The following MPRIP variants were observed in gnomAD, a reference collection of about 807,000 sequenced individuals.
MPRIP encodes myosin phosphatase Rho interacting protein.
A neutral mutation model predicts 234.9 loss-of-function variants in MPRIP; 59 were observed. That is an observed-to-expected ratio of 0.25 (90% CI 0.20 to 0.31). The LOEUF (loss-of-function observed/expected upper bound fraction) is 0.31, where lower values mean the gene tolerates loss of function less well. Ranked by LOEUF, MPRIP falls within the 10% of genes least tolerant of loss-of-function variation. The pLI, the probability that MPRIP is intolerant of heterozygous loss-of-function variation, is 1.00. For missense variants in MPRIP, 2,436 were observed against 3,071.0 expected, an observed-to-expected ratio of 0.79 and a Z score of 4.89; for synonymous variants, 1,144 against 1,263.9, an observed-to-expected ratio of 0.91 and a Z score of 2.01.
At position 17,167,372 on chromosome 17, in the gene MPRIP, G is replaced by A. The variant is rs1160348561; in HGVS notation, c.5781G>A (p.Gln1927=). 7.7e-7 allele frequency: 1 copy of A among 1,304,132 alleles called. No homozygotes were observed. Among genetic ancestry groups the A allele is most frequent in the African/African-American group, 1.5e-5 (1 of 65,864 alleles). The allele number at this position is 1,304,132 out of a possible 1,614,324, so 80.8% of individuals were successfully genotyped here. Reference sequence around the variant, plus strand: ...AGGCCGCCCAGCTAGACCATCAGCAGCAGTGTCTGGAGGATGCAGAGAGCA... The same window carrying A: ...AGGCCGCCCAGCTAGACCATCAGCAACAGTGTCTGGAGGATGCAGAGAGCA... The part of the protein sequence containing the change: ...KAKAAQLDHQ[Q]QCLEDAESKH... The change falls in exon 16 of 24, where the codon CAG becomes CAA. Residue 1927 remains glutamine (Q), a synonymous_variant. Transcript: ENST00000651222. The surrounding 1 kb of genome is among the most constrained non-coding windows in gnomAD (Gnocchi z 5.9).
chr17:17,099,411 T>G (rs775581712), intron 3 of MPRIP, among the ~76,000 whole-genome samples: 7 of 152,210 alleles, frequency 4.6e-5, no homozygotes, highest in Non-Finnish European at 8.8e-5. Context: ...AACTTTGAAT[T>G]TTCCTACTAA....
intron 10 of MPRIP, among the ~76,000 whole-genome samples, chr17:17,146,313 G>A (rs1024224899): frequency 6.6e-6 from 1 of 152,234 alleles, no homozygotes; most frequent in Non-Finnish European, 1.5e-5. Context: ...AGGGGCACTC[G>A]GTAGGCCTGT....
In MPRIP at chr17:17,161,264, T is replaced by C; in HGVS notation, c.2425T>C (p.Ser809Pro). 2.5e-6 allele frequency: 4 copies of C among 1,603,068 alleles called. No homozygotes were observed. Among genetic ancestry groups the C allele is most frequent in the Non-Finnish European group, 3.4e-6 (4 of 1,172,852 alleles). ...GCTGGAGCAGAGCCAGAAGGAGGCC[T>C]CAGACCTTCTGGAGCAGAACCGGCT... is the stretch of plus-strand genomic sequence containing the variant. Reference protein sequence around the residue: ...KELEQSQKEASDLLEQNRLLQ... With the variant: ...KELEQSQKEAPDLLEQNRLLQ... Residue 809 changes from serine to proline, a missense_variant, in exon 15 of 24, where the codon TCA becomes CCA. By Grantham distance (74) the Ser-to-Pro change is moderately conservative. Transcript: ENST00000651222.
At chr17:17,140,581 C>T (rs2090791647) in intron 7 of MPRIP, among the ~76,000 whole-genome samples, 1 of 152,222 alleles carries the variant, frequency 6.6e-6, no homozygotes, top group Non-Finnish European at 1.5e-5. Flanking sequence ...CTTGGCCACA[C>T]CTACCTGAAA....
Position 17,057,769 on chromosome 17 carries a change from A to G in MPRIP, c.123+14798A>G. On this transcript the variant is annotated intron_variant, in intron 1 of 23. Transcript: ENST00000651222. Reference sequence around the variant, plus strand: ...TGACCCCCACCCGCTGCCCCATCCTACACCCGAGGTGGCCCCTGAAGCATG... The same window carrying G: ...TGACCCCCACCCGCTGCCCCATCCTGCACCCGAGGTGGCCCCTGAAGCATG... 5 of 710,598 alleles carry G rather than the reference A, an allele frequency of 7.0e-6. 1 individual carries two copies. Among genetic ancestry groups the G allele is most frequent in the Admixed American group, 4.0e-5 (2 of 49,898 alleles). 44.0% of individuals were successfully genotyped at this position (710,598 alleles called of 1,614,324 possible). A position where few individuals can be genotyped will look rare whatever the true frequency, so the allele number is the denominator to read the frequency against.
At chr17:17,113,056 C>G (rs915715463) in intron 3 of MPRIP, among the ~76,000 whole-genome samples, 2 of 152,160 alleles carry the variant, frequency 1.3e-5, no homozygotes, top group Non-Finnish European at 2.9e-5. Flanking sequence ...TGGGGACTCC[C>G]CAGGGTTGGG....
At chr17:17,065,887 T>G (rs889744925) in intron 1 of MPRIP, among the ~76,000 whole-genome samples, 2 of 152,220 alleles carry the variant, frequency 1.3e-5, no homozygotes, top group Non-Finnish European at 2.9e-5. Context: ...TATATACACC[T>G]AAGTATTTCT....
At chr17:17,075,818 G>A in intron 2 of MPRIP, 31 bp downstream of exon 2, 1 of 1,606,166 alleles carries the variant, frequency 6.2e-7, no homozygotes, top group South Asian at 1.1e-5. Context: ...TCTCAGGGAG[G>A]AACCAGAGAA....
At chr17:17,107,154 G>A (rs1037270991) in intron 3 of MPRIP, among the ~76,000 whole-genome samples, 10 of 152,212 alleles carry the variant, frequency 6.6e-5, no homozygotes, top group African/African-American at 2.4e-4. Flanking sequence ...GATTTAATGG[G>A]CTCTAGCCCC....
At chr17:17,178,162 A>T (rs1262706220) in intron 22 of MPRIP, among the ~76,000 whole-genome samples, 1 of 152,104 alleles carries the variant, frequency 6.6e-6, no homozygotes, top group Non-Finnish European at 1.5e-5. Context: ...GGCTCAAGCG[A>T]TCCAGCCACC....
chr17:17,073,162 G>T (rs941730429), intron 1 of MPRIP, among the ~76,000 whole-genome samples: 1 of 152,088 alleles, frequency 6.6e-6, no homozygotes, highest in Non-Finnish European at 1.5e-5. Context: ...TTTGATGAAC[G>T]CTGGGTGGGG....
At chr17:17,084,480 A>G (rs2089539864) in intron 3 of MPRIP, among the ~76,000 whole-genome samples, 1 of 152,198 alleles carries the variant, frequency 6.6e-6, no homozygotes, top group South Asian at 2.1e-4. Flanking sequence ...TACCATGTCC[A>G]TTTCACAGTT....
intron 2 of MPRIP, among the ~76,000 whole-genome samples, chr17:17,076,563 G>GA (rs1456901375): frequency 6.6e-6 from 1 of 152,142 alleles, no homozygotes; most frequent in African/African-American, 2.4e-5. Flanking sequence ...ATTGCTTCTA[G>GA]AATGGGTTTT....
At chr17:17,081,361 C>T (rs1039626222) in intron 3 of MPRIP, among the ~76,000 whole-genome samples, 1 of 152,206 alleles carries the variant, frequency 6.6e-6, no homozygotes, top group Non-Finnish European at 1.5e-5. Context: ...GAACTACCAA[C>T]TTTGTAAATG....
In MPRIP at chr17:17,078,046, C is replaced by T. The variant is rs749508599; in HGVS notation, c.237C>T (p.His79=). The T allele has an allele frequency of 5.0e-6, 8 of 1,614,078 alleles. No homozygotes were observed. Among genetic ancestry groups the T allele is most frequent in the East Asian group, 2.2e-5 (1 of 44,900 alleles). Residue 79 remains histidine, a synonymous_variant, in exon 3 of 24, where the codon CAC becomes CAT. Transcript: ENST00000651222. This position sits in a 1 kb window ranked among gnomAD's most constrained non-coding sequence, Gnocchi z 4.3. ...WQRRFFILYE[H]GLLRYALDEM... is the part of the protein sequence containing the mutation. Reference sequence around the variant, plus strand: ...GACGGTTCTTCATCCTTTACGAGCACGGCCTCTTGCGCTACGCCCTGGATG... The same window carrying T: ...GACGGTTCTTCATCCTTTACGAGCATGGCCTCTTGCGCTACGCCCTGGATG...
intron 3 of MPRIP, among the ~76,000 whole-genome samples, chr17:17,122,547 G>T (rs950229358): frequency 1.2e-4 from 18 of 152,082 alleles, no homozygotes; most frequent in African/African-American, 4.3e-4. Context: ...TAGAGACAGG[G>T]TTTCACCGTG....
chr17:17,187,332 C>CT lies in MPRIP; in HGVS notation c.*2439dup, dbSNP rs568288431. On this transcript the variant is annotated 3_prime_UTR_variant, in exon 24 of 24. Transcript: ENST00000651222. ...CTGCATTCCTCCCTGCCACAGGTCTCTCCCCAGAGGCTGGTTTAGTGTAGG... is the reference window on the plus strand; with the variant it reads ...CTGCATTCCTCCCTGCCACAGGTCTCTTCCCCAGAGGCTGGTTTAGTGTAGG... 2.2e-3 allele frequency: 333 copies of CT among 152,346 alleles called. 1 individual carries two copies. The highest frequency in any genetic ancestry group is 7.7e-3 in the African/African-American group (321 of 41,568). 9.4% of individuals were successfully genotyped at this position (152,346 alleles called of 1,614,324 possible). A position where few individuals can be genotyped will look rare whatever the true frequency, so the allele number is the denominator to read the frequency against.
chr17:17,170,759 TAGAC>T (rs2046115151), intron 16 of MPRIP: 1 of 152,196 alleles, frequency 6.6e-6, no homozygotes, highest in African/African-American at 2.4e-5. Flanking sequence ...TTGAAGGATT[TAGAC>T]AGAAAGTGTG....
intron 14 of MPRIP, among the ~76,000 whole-genome samples, chr17:17,159,469 G>T (rs1879944714): frequency 6.6e-6 from 1 of 152,264 alleles, no homozygotes; most frequent in Admixed American, 6.5e-5. Context: ...TCCAGCAGGA[G>T]ATGACAGCTG....
Sources: gnomAD v4.1 joint callset for allele counts (sites outside exome capture counted in the v4.1 genomes callset) on GRCh38, gnomAD v4.1.1 for gene constraint, Gnocchi (gnomAD v3.1) non-coding constraint, MANE v1.5 for transcripts, NCBI Gene and HGNC (gene_info 2026-07-23, HGNC 2026-07-21) for gene names.